The following FAM227B variants were observed in gnomAD, a reference collection of about 807,000 sequenced individuals.
The protein encoded by FAM227B is family with sequence similarity 227 member B.
A neutral mutation model predicts 73.8 loss-of-function variants in FAM227B; 88 were observed. The observed-to-expected ratio is 1.19, with a 90% CI of 1.00 to 1.42. The LOEUF (loss-of-function observed/expected upper bound fraction) is 1.42, where lower values mean the gene tolerates loss of function less well. Among genes scored for constraint, FAM227B ranks in the 40% most tolerant of loss-of-function variants. The pLI is 0.00. For synonymous variants in FAM227B, 210 were observed against 190.5 expected, an observed-to-expected ratio of 1.10 and a Z score of -0.84; for missense variants, 632 against 590.9, an observed-to-expected ratio of 1.07 and a Z score of -0.72.
At chr15:49,574,963 T>C (rs765480695) in intron 8 of FAM227B, 48 bp downstream of exon 8, 13 of 1,209,678 alleles carry the variant, frequency 1.1e-5, no homozygotes, top group Middle Eastern at 2.1e-4. Flanking sequence ...GAAAAATTAA[T>C]TATGCCAAAA....
chr15:49,439,550 T>C (rs1192402288), intron 11 of FAM227B, among the ~76,000 whole-genome samples: 2 of 151,706 alleles, frequency 1.3e-5, no homozygotes, highest in Admixed American at 1.3e-4. Context: ...TTAGTCAAGT[T>C]GAAATTCTAA....
intron 10 of FAM227B, among the ~76,000 whole-genome samples, chr15:49,513,954 T>C (rs1362245007): frequency 6.6e-6 from 1 of 152,142 alleles, no homozygotes; most frequent in African/African-American, 2.4e-5. Context: ...CACTGGTCTA[T>C]ATGTCTGTTT....
chr15:49,613,039 A>G (rs1385201312), intron 2 of FAM227B, among the ~76,000 whole-genome samples: 2 of 152,090 alleles, frequency 1.3e-5, no homozygotes, highest in Non-Finnish European at 2.9e-5. Flanking sequence ...AAGTGGGTAT[A>G]GTCAATGGGT....
intron 10 of FAM227B, among the ~76,000 whole-genome samples, chr15:49,523,891 G>T (rs2413962): frequency 0.27 from 40,340 of 152,046 alleles, 5,614 homozygotes; most frequent in East Asian, 0.38. Flanking sequence ...CTAGAGATCT[G>T]TGGAACTTCG....
chr15:49,565,295 T>G (rs2074560155), intron 9 of FAM227B, among the ~76,000 whole-genome samples: 2 of 149,086 alleles, frequency 1.3e-5, no homozygotes, highest in Non-Finnish European at 3.0e-5. Context: ...GGCAGAAGAA[T>G]CGCTTGAACC....
chr15:49,445,392 GC>G (rs2052100469), intron 11 of FAM227B, among the ~76,000 whole-genome samples: 1 of 151,368 alleles, frequency 6.6e-6, no homozygotes, highest in African/African-American at 2.4e-5. Context: ...TGTTCCTGTG[GC>G]AAACTTATTT....
chr15:49,577,747 T>C (rs2075551186), intron 5 of FAM227B, 83 bp from the exon 6 acceptor site: 1 of 746,676 alleles, frequency 1.3e-6, no homozygotes, highest in South Asian at 1.9e-5. Context: ...TTAACTAGTA[T>C]GCATAGATAA....
At chr15:49,440,395 A>C (rs541275140) in intron 11 of FAM227B, among the ~76,000 whole-genome samples, 1 of 151,754 alleles carries the variant, frequency 6.6e-6, no homozygotes, top group South Asian at 2.1e-4. Flanking sequence ...GTGAAAAGCC[A>C]ATGTTTATAT....
At chr15:49,605,378 G>A (rs764484851) in intron 3 of FAM227B, among the ~76,000 whole-genome samples, 18 of 152,162 alleles carry the variant, frequency 1.2e-4, no homozygotes, top group East Asian at 5.8e-4. Flanking sequence ...TGGGTCCACC[G>A]GAGTGGTCCT....
At chr15:49,448,362 T>C (rs1167558845) in intron 11 of FAM227B, among the ~76,000 whole-genome samples, 2 of 151,688 alleles carry the variant, frequency 1.3e-5, no homozygotes, top group Non-Finnish European at 3.0e-5. Context: ...CATTTAACTC[T>C]TTTAATTCCT....
At chr15:49,444,743 T>C (rs2052021563) in intron 11 of FAM227B, among the ~76,000 whole-genome samples, 1 of 151,686 alleles carries the variant, frequency 6.6e-6, no homozygotes, top group Non-Finnish European at 1.5e-5. Context: ...AAATTGCAAA[T>C]ATCTCCAGCT....
At chr15:49,588,149 A>C in intron 4 of FAM227B, 66 bp from the exon 5 acceptor site, 12 of 957,416 alleles carry the variant, frequency 1.3e-5, no homozygotes, top group Non-Finnish European at 1.7e-5. Flanking sequence ...AAATAAACAA[A>C]ATTTTAAATA....
At chr15:49,451,392 T>C (rs1166010379) in intron 11 of FAM227B, among the ~76,000 whole-genome samples, 1 of 152,062 alleles carries the variant, frequency 6.6e-6, no homozygotes. Context: ...GAATAGTATA[T>C]ATTTTTAAGC....
intron 11 of FAM227B, among the ~76,000 whole-genome samples, chr15:49,393,699 T>C (rs1199979592): frequency 6.6e-6 from 1 of 152,112 alleles, no homozygotes; most frequent in African/African-American, 2.4e-5. Flanking sequence ...AATTCTTTGA[T>C]CTGGCTACCA....
chr15:49,462,854 G>A (rs1423799505), intron 11 of FAM227B, among the ~76,000 whole-genome samples: 1 of 151,924 alleles, frequency 6.6e-6, no homozygotes, highest in Non-Finnish European at 1.5e-5. Context: ...AATTATAAAC[G>A]ATATTACATT....
At chr15:49,369,516 A>AG (rs2045656898) in intron 12 of FAM227B, among the ~76,000 whole-genome samples, 1 of 152,324 alleles carries the variant, frequency 6.6e-6, no homozygotes, top group African/African-American at 2.4e-5. Context: ...AGAAAGTCCA[A>AG]GGGGTGATTT....
chr15:49,493,863 T>C (rs1292267724), intron 11 of FAM227B, among the ~76,000 whole-genome samples: 1 of 93,314 alleles, frequency 1.1e-5, no homozygotes, highest in Non-Finnish European at 2.5e-5. Context: ...TCTGTGTATG[T>C]ATGTATGTGT....
chr15:49,587,690 T>C lies in FAM227B; in HGVS notation c.405+326A>G, dbSNP rs369346597. On this transcript the variant is annotated intron_variant, in intron 5 of 15. Coordinates refer to ENST00000299338, the MANE Select transcript of FAM227B (RefSeq NM_152647.3). Reference sequence around the variant, plus strand: ...GCAAAGTAAAGGTCATCAAAAAGAATTATTAATTTTCTAAAATAAGAGGGC... The same window carrying C: ...GCAAAGTAAAGGTCATCAAAAAGAACTATTAATTTTCTAAAATAAGAGGGC... 4.4e-4 allele frequency among the ~76,000 whole-genome samples: 67 copies of C among 152,190 alleles called. 2 individuals carry two copies. The East Asian group carries it at 0.012, about 28-fold the overall frequency.
At chr15:49,527,710 T>C (rs2060306102) in intron 10 of FAM227B, among the ~76,000 whole-genome samples, 1 of 151,790 alleles carries the variant, frequency 6.6e-6, no homozygotes, top group Non-Finnish European at 1.5e-5. Flanking sequence ...ACACTGATAA[T>C]GTTCAAGCTA....
Sources: allele counts gnomAD v4.1 joint callset (sites outside exome capture counted in the v4.1 genomes callset), GRCh38; gene constraint gnomAD v4.1.1; transcripts MANE v1.5; gene names NCBI Gene and HGNC (gene_info 2026-07-23, HGNC 2026-07-21).